Variants in SUGCT observed in about 807,000 individuals in gnomAD.
The protein encoded by SUGCT is succinyl-CoA:glutarate-CoA transferase.
A neutral mutation model predicts 55.0 loss-of-function variants in SUGCT; 41 were observed. The ratio of observed to expected loss-of-function variants is 0.74; its 90% CI spans 0.58 to 0.97. The LOEUF (loss-of-function observed/expected upper bound fraction) is 0.97. SUGCT is among the 50% of genes least tolerant of loss of function. SUGCT has a pLI of 0.00. For synonymous variants in SUGCT, 187 were observed against 200.4 expected (o/e 0.93, Z 0.56); for missense variants, 568 against 547.8 (o/e 1.04, Z -0.37).
intron 13 of SUGCT, among the ~76,000 whole-genome samples, chr7:40,824,019 T>G (rs924349940): frequency 6.6e-6 from 1 of 152,122 alleles, no homozygotes; most frequent in African/African-American, 2.4e-5. Context: ...ACTGTAGTGG[T>G]GATGACTGGG....
At chr7:40,786,815 G>T (rs1790039846) in intron 13 of SUGCT, among the ~76,000 whole-genome samples, 1 of 152,116 alleles carries the variant, frequency 6.6e-6, no homozygotes, top group Non-Finnish European at 1.5e-5. Flanking sequence ...TAATGTTTTG[G>T]ATCATTAAGA....
chr7:40,973,060 C>A, the SUGCT span, among the ~76,000 whole-genome samples: 3 of 152,148 alleles, frequency 2.0e-5, no homozygotes, highest in Non-Finnish European at 4.4e-5. Flanking sequence ...GGTATTTTAG[C>A]AGAGCCATTT....
intron 12 of SUGCT, among the ~76,000 whole-genome samples, chr7:40,522,064 A>T (rs904475896): frequency 1.3e-5 from 2 of 152,088 alleles, no homozygotes; most frequent in Non-Finnish European, 2.9e-5. Context: ...CATTAGAGGG[A>T]ATTGGCAAGG....
rs79984399 is a variant in SUGCT, at chr7:40,656,628, A to G, written c.1090-92806A>G. 8.7e-3 allele frequency among the ~76,000 whole-genome samples: 1,325 copies of G among 152,234 alleles called. 16 individuals are homozygous for G. Among genetic ancestry groups the G allele is most frequent in the African/African-American group, 0.03 (1,235 of 41,528 alleles). ...TACTCCTTGACCTTTCTTAAAACCT[A>G]CTCCTCTCTCAAACTCATTTAGATG... On this transcript the variant is annotated intron_variant, in intron 12 of 13. Transcript: ENST00000335693.
chr7:40,518,238 T>G (rs1440038583), intron 12 of SUGCT, among the ~76,000 whole-genome samples: 1 of 152,176 alleles, frequency 6.6e-6, no homozygotes, highest in Non-Finnish European at 1.5e-5. Context: ...AAGAGCTGAT[T>G]GCAGTAGCCT....
intron 7 of SUGCT, among the ~76,000 whole-genome samples, chr7:40,253,802 T>C (rs1222302147): frequency 1.3e-5 from 2 of 152,258 alleles, no homozygotes; most frequent in African/African-American, 2.4e-5. Context: ...ATTACAGGCA[T>C]GAGCCACTGC....
At chr7:40,964,695 T>C in the SUGCT span, 1 of 152,238 alleles carries the variant, frequency 6.6e-6, no homozygotes, top group Non-Finnish European at 1.5e-5. Context: ...AATACTTAAT[T>C]CTTTATTGAT....
At chr7:40,253,656 G>A (rs1005514206) in intron 7 of SUGCT, among the ~76,000 whole-genome samples, 27 of 151,888 alleles carry the variant, frequency 1.8e-4, no homozygotes, top group African/African-American at 6.0e-4. Flanking sequence ...TCCGCCTCCC[G>A]GTGGCTGGAC....
intron 12 of SUGCT, among the ~76,000 whole-genome samples, chr7:40,614,899 T>C (rs185647062): frequency 1.1e-4 from 17 of 151,898 alleles, no homozygotes; most frequent in Admixed American, 3.3e-4. Flanking sequence ...CTACTAAAAA[T>C]ACAAAAAATA....
In SUGCT at chr7:40,245,423, A is replaced by ATTTTTTTTTTTTTTTT. The variant is rs1168316176; in HGVS notation, c.576+7716_576+7731dup. Among the ~76,000 whole-genome samples the ATTTTTTTTTTTTTTTT allele has an allele frequency of 7.3e-5, 4 of 54,594 alleles. 1 individual carries two copies. Among genetic ancestry groups the ATTTTTTTTTTTTTTTT allele is most frequent in the African/African-American group, 2.7e-4 (3 of 11,274 alleles). 35.8% of individuals were successfully genotyped at this position (54,594 alleles called of 152,430 possible). Reference sequence around the variant, plus strand: ...AGTAGACATATATATATATATATATATTTTTTTTTTTTTTTTTTTTTTTTT... The same window carrying ATTTTTTTTTTTTTTTT: ...AGTAGACATATATATATATATATATATTTTTTTTTTTTTTTTTTTTTTTTTTTTTTTTTTTTTTTTT... On this transcript the variant is annotated intron_variant, in intron 7 of 13. Transcript: ENST00000335693.
intron 12 of SUGCT, among the ~76,000 whole-genome samples, chr7:40,736,512 A>G (rs1357529458): frequency 6.6e-6 from 1 of 151,768 alleles, no homozygotes; most frequent in Non-Finnish European, 1.5e-5. Flanking sequence ...CATTAAATAA[A>G]AAGGTATTTA....
chr7:40,670,325 A>G (rs979932000), intron 12 of SUGCT, among the ~76,000 whole-genome samples: 2 of 152,236 alleles, frequency 1.3e-5, no homozygotes, highest in Admixed American at 6.5e-5. Context: ...AAATCAGTGA[A>G]ATTCAAAGCA....
In SUGCT at chr7:40,504,730, G is replaced by C. The variant is rs145642917; in HGVS notation, c.1089+8344G>C. Among the ~76,000 whole-genome samples, 3 of 152,152 alleles carry C rather than the reference G, an allele frequency of 2.0e-5. No individual in the cohort carries two copies. In the East Asian group the frequency reaches 5.8e-4, roughly 29 times the overall value. On this transcript the variant is annotated intron_variant, in intron 12 of 13. Transcript: ENST00000335693. Reference sequence around the variant, plus strand: ...GTAACAGGTGTGAGCCACCGTGCCCGGCCTAGATCCAGTTGTCTCGGTACC... The same window carrying C: ...GTAACAGGTGTGAGCCACCGTGCCCCGCCTAGATCCAGTTGTCTCGGTACC...
At chr7:40,264,137 A>G (rs1411233874) in intron 7 of SUGCT, among the ~76,000 whole-genome samples, 1 of 152,136 alleles carries the variant, frequency 6.6e-6, no homozygotes, top group African/African-American at 2.4e-5. Flanking sequence ...TAATTAGTAG[A>G]CACTGATCTC....
At chr7:40,687,422 C>G (rs895133661) in intron 12 of SUGCT, among the ~76,000 whole-genome samples, 1 of 150,760 alleles carries the variant, frequency 6.6e-6, no homozygotes, top group Admixed American at 6.6e-5. Flanking sequence ...AATTTTACTC[C>G]AGCTCCCTCC....
intron 13 of SUGCT, among the ~76,000 whole-genome samples, chr7:40,811,339 A>G (rs1282595101): frequency 1.3e-5 from 2 of 152,110 alleles, no homozygotes; most frequent in Non-Finnish European, 2.9e-5. Context: ...GGCATTGAAT[A>G]TGTAGATTGC....
intron 7 of SUGCT, among the ~76,000 whole-genome samples, chr7:40,239,783 A>G (rs541818368): frequency 1.7e-4 from 26 of 152,318 alleles, no homozygotes; most frequent in African/African-American, 5.8e-4. Flanking sequence ...AGTGCTTGGT[A>G]TGTGCCAAAC....
intron 13 of SUGCT, among the ~76,000 whole-genome samples, chr7:40,806,814 T>G (rs539716828): frequency 6.6e-6 from 1 of 152,238 alleles, no homozygotes; most frequent in East Asian, 1.9e-4. Context: ...AGGTAGAGGC[T>G]GGGGGTTTCA....
In SUGCT at chr7:40,244,942, C is replaced by T. The variant is rs116145781; in HGVS notation, c.576+7216C>T. ...CAATATAAATCTCCTTTCCTCTGTG[C>T]CCATCCCACCTTATTCTCTTCCTCA... is the stretch of plus-strand genomic sequence containing the variant. On this transcript the variant is annotated intron_variant, in intron 7 of 13. Coordinates refer to ENST00000335693, the MANE Select transcript of SUGCT (RefSeq NM_001193313.2). 4.8e-3 allele frequency among the ~76,000 whole-genome samples: 735 copies of T among 152,264 alleles called. 6 individuals are homozygous for T. The highest frequency in any genetic ancestry group is 0.017 in the African/African-American group (699 of 41,564).
Sources: allele counts gnomAD v4.1 joint callset (sites outside exome capture counted in the v4.1 genomes callset), GRCh38; gene constraint gnomAD v4.1.1; transcripts MANE v1.5; gene names NCBI Gene and HGNC (gene_info 2026-07-23, HGNC 2026-07-21).